The following ASPH variants were observed in gnomAD, a reference collection of about 807,000 sequenced individuals.
ASPH encodes aspartyl/asparaginyl beta-hydroxylase.
ASPH carries 100 observed loss-of-function variants against 118.4 expected under a neutral mutation model. The ratio of observed to expected loss-of-function variants is 0.84; its 90% CI spans 0.72 to 1.00. ASPH has a LOEUF of 1.00. ASPH is among the 50% of genes least tolerant of loss of function. ASPH has a pLI of 0.00. For synonymous variants in ASPH, 315 were observed against 325.6 expected, an observed-to-expected ratio of 0.97 and a Z score of 0.35; for missense variants, 920 against 919.5, an observed-to-expected ratio of 1.00 and a Z score of -0.01.
intron 18 of ASPH, among the ~76,000 whole-genome samples, chr8:61,560,108 G>A (rs566722870): frequency 2.0e-5 from 3 of 152,352 alleles, no homozygotes; most frequent in African/African-American, 7.2e-5. Flanking sequence ...CACATTCTGC[G>A]TGTGTTTCAT....
At chr8:61,609,023 C>T (rs1481512399) in intron 14 of ASPH, among the ~76,000 whole-genome samples, 1 of 152,060 alleles carries the variant, frequency 6.6e-6, no homozygotes, top group African/African-American at 2.4e-5. Flanking sequence ...GTTAATTATC[C>T]GTACATTAGC....
intron 10 of ASPH, among the ~76,000 whole-genome samples, chr8:61,641,728 G>A (rs1433469385): frequency 6.6e-6 from 1 of 152,076 alleles, no homozygotes; most frequent in Non-Finnish European, 1.5e-5. Flanking sequence ...TATCTATCAT[G>A]ACACTGTAAA....
rs1215457445 is a variant in ASPH, at chr8:61,501,808, C to T, written c.*1551G>A. 6.6e-6 allele frequency: 1 copy of T among 151,992 alleles called. No individual in the cohort carries two copies. Among genetic ancestry groups the T allele is most frequent in the Admixed American group, 6.5e-5 (1 of 15,274 alleles). 9.4% of individuals were successfully genotyped at this position (151,992 alleles called of 1,614,324 possible). On this transcript the variant is annotated 3_prime_UTR_variant, in exon 25 of 25. Coordinates refer to ENST00000379454, the MANE Select transcript of ASPH (RefSeq NM_004318.4). ...GGAAGCTAATCTCCTTAAGGTCAAG[C>T]AAAAAGGGTCAATTTCAATTTCAAA...
At chr8:61,591,682 G>A (rs1841181424) in intron 14 of ASPH, among the ~76,000 whole-genome samples, 1 of 152,048 alleles carries the variant, frequency 6.6e-6, no homozygotes, top group African/African-American at 2.4e-5. Flanking sequence ...GACATTTATG[G>A]AGCACTTAAG....
intron 3 of ASPH, chr8:61,675,612 A>T: frequency 4.1e-6 from 4 of 978,236 alleles, no homozygotes; most frequent in Non-Finnish European, 4.9e-6. Flanking sequence ...TACATCAGTC[A>T]TGTTAAAGAA....
At position 61,646,852 on chromosome 8, in the gene ASPH, C is replaced by A; in HGVS notation, c.517G>T (p.Asp173Tyr). The change falls in exon 6 of 25, where the codon GAT (aspartate) becomes TAT (tyrosine). Residue 173 changes from aspartate (D) to tyrosine (Y), a missense_variant. Asp to Tyr is a radical substitution (Grantham distance 160). Transcript: ENST00000379454. ...HVEGEDLQQEDGPTGEPQQED... is the reference protein window; with the variant it reads ...HVEGEDLQQEYGPTGEPQQED... The stretch of plus-strand genomic sequence containing the variant: ...TGTTGTGGTTCTCCTGTGGGTCCAT[C>A]TTCTTGTTGCAAGTCTTCTCCCTCA... 1 of 1,612,448 alleles carries A rather than the reference C, an allele frequency of 6.2e-7. No homozygotes were observed. The highest frequency in any genetic ancestry group is 8.5e-7 in the Non-Finnish European group (1 of 1,179,874).
At chr8:61,713,171 T>G (rs1838471593) in intron 1 of ASPH, among the ~76,000 whole-genome samples, 1 of 152,204 alleles carries the variant, frequency 6.6e-6, no homozygotes, top group Non-Finnish European at 1.5e-5. Flanking sequence ...AGAATGTAAA[T>G]TTGTGCAATG....
chr8:61,618,424 C>A (rs1482028287), intron 14 of ASPH, among the ~76,000 whole-genome samples: 1 of 152,114 alleles, frequency 6.6e-6, no homozygotes, highest in African/African-American at 2.4e-5. Context: ...TTTTGGCAGG[C>A]AGAAATAATT....
chr8:61,599,970 A>G (rs1563968429), intron 14 of ASPH, among the ~76,000 whole-genome samples: 1 of 152,116 alleles, frequency 6.6e-6, no homozygotes, highest in East Asian at 1.9e-4. Flanking sequence ...AAGAACAACA[A>G]AAAAATACAC....
chr8:61,662,635 T>G (rs1379837330), intron 3 of ASPH, among the ~76,000 whole-genome samples: 1 of 152,140 alleles, frequency 6.6e-6, no homozygotes, highest in Non-Finnish European at 1.5e-5. Flanking sequence ...TGACTTCAAC[T>G]TCAATAAAAG....
rs1810719536 is a variant in ASPH, at chr8:61,651,050, C to T, written c.490G>A (p.Val164Ile). The T allele has an allele frequency of 6.2e-7, 1 of 1,609,230 alleles. No homozygotes were observed. Among genetic ancestry groups the T allele is most frequent in the Admixed American group, 1.7e-5 (1 of 59,310 alleles). ...LLHEMVHAEH[V>I]EGEDLQQEDG... ...ACAAAGAGCAGATTTTAATTCATACCATGTTCTGCGTGTACCATTTCATGG... is the reference window on the plus strand; with the variant it reads ...ACAAAGAGCAGATTTTAATTCATACTATGTTCTGCGTGTACCATTTCATGG... The change falls in exon 5 of 25, where the codon GTT (valine) becomes ATT (isoleucine). Residue 164 changes from valine (V) to isoleucine (I), a missense_variant and splice_region_variant. Transcript: ENST00000379454.
At chr8:61,680,123 T>C (rs1264373400) in intron 3 of ASPH, among the ~76,000 whole-genome samples, 1 of 151,786 alleles carries the variant, frequency 6.6e-6, no homozygotes, top group Non-Finnish European at 1.5e-5. Context: ...TTTTCATATC[T>C]AATAAATATA....
At chr8:61,625,322 A>G in intron 13 of ASPH, 5 of 985,818 alleles carry the variant, frequency 5.1e-6, no homozygotes, top group Non-Finnish European at 6.0e-6. Flanking sequence ...CACATCCTCA[A>G]TCAACCCAGC....
chr8:61,627,054 A>T (rs1853215720), intron 13 of ASPH, among the ~76,000 whole-genome samples: 1 of 152,172 alleles, frequency 6.6e-6, no homozygotes, highest in African/African-American at 2.4e-5. Context: ...GTGCAACCAA[A>T]ACTTTTTATG....
intron 21 of ASPH, among the ~76,000 whole-genome samples, chr8:61,543,462 T>A (rs1313459552): frequency 1.3e-5 from 2 of 152,224 alleles, no homozygotes; most frequent in African/African-American, 4.8e-5. Flanking sequence ...TGTTTAGTTC[T>A]TTTTTATAAT....
At chr8:61,607,319 T>C in intron 14 of ASPH, 3 of 701,418 alleles carry the variant, frequency 4.3e-6, no homozygotes, top group Non-Finnish European at 7.8e-6. Flanking sequence ...CGCAAATGAG[T>C]CCTCTGTAAA....
At chr8:61,670,751 G>A (rs989414336) in intron 3 of ASPH, among the ~76,000 whole-genome samples, 3 of 151,676 alleles carry the variant, frequency 2.0e-5, no homozygotes, top group African/African-American at 7.3e-5. Flanking sequence ...ACCAGAGGAT[G>A]CAGTGTCTGA....
intron 22 of ASPH, among the ~76,000 whole-genome samples, chr8:61,522,186 G>T (rs1279697197): frequency 6.6e-6 from 1 of 152,064 alleles, no homozygotes; most frequent in East Asian, 1.9e-4. Context: ...TGCTGATTCT[G>T]GTTTTTTCCT....
At chr8:61,580,257 G>A (rs1460309751) in intron 15 of ASPH, among the ~76,000 whole-genome samples, 2 of 152,156 alleles carry the variant, frequency 1.3e-5, no homozygotes, top group African/African-American at 4.8e-5. Context: ...ACTCCACTAG[G>A]CAGTGCCCCA....
Sources: allele counts gnomAD v4.1 joint callset (sites outside exome capture counted in the v4.1 genomes callset), GRCh38; gene constraint gnomAD v4.1.1; transcripts MANE v1.5; gene names NCBI Gene and HGNC (gene_info 2026-07-23, HGNC 2026-07-21).